CDC25B: variants seen among roughly 807,000 people sequenced by gnomAD.
CDC25B encodes cell division cycle 25B.
CDC25B carries 33 observed loss-of-function variants against 69.8 expected under a neutral mutation model. That is an observed-to-expected ratio of 0.47 (90% CI 0.36 to 0.63). The LOEUF (loss-of-function observed/expected upper bound fraction) is 0.63. Ranked by LOEUF, CDC25B falls within the 30% of genes least tolerant of loss-of-function variation. The pLI, the probability that CDC25B is intolerant of heterozygous loss-of-function variation, is 0.00. For synonymous variants in CDC25B, 341 were observed against 314.6 expected, an observed-to-expected ratio of 1.08 and a Z score of -0.89; for missense variants, 727 against 809.1, an observed-to-expected ratio of 0.90 and a Z score of 1.23.
At chr20:3,801,591 T>A in intron 8 of CDC25B, 131 bp from the exon 9 acceptor site, 1 of 1,016,070 alleles carries the variant, frequency 9.8e-7, no homozygotes, top group Non-Finnish European at 1.4e-6. Context: ...GTTTGGGAGG[T>A]AGGGGAGCTT....
intron 11 of CDC25B, 87 bp downstream of exon 11, chr20:3,802,463 C>T: frequency 1.2e-6 from 1 of 858,236 alleles, no homozygotes; most frequent in East Asian, 2.4e-5. Context: ...TTGGGTTCCT[C>T]CCTTTCTCCC....
chr20:3,802,230 C>G, intron 10 of CDC25B, 51 bp from the exon 11 acceptor site: 1 of 1,570,202 alleles, frequency 6.4e-7, no homozygotes, highest in South Asian at 1.1e-5. Context: ...AGCCAGAGCA[C>G]TGGGGGGCAG....
chr20:3,789,906 G>A (rs530974040), intron 1 of CDC25B, among the ~76,000 whole-genome samples: 5 of 151,924 alleles, frequency 3.3e-5, no homozygotes, highest in South Asian at 2.1e-4. Context: ...GGAGAGTGGC[G>A]TGAACCCGGG....
chr20:3,800,482 G>C lies in CDC25B; in HGVS notation c.443G>C (p.Arg148Pro), dbSNP rs371528141. ...IIRNEQFAIR[R>P]FQSMPVRLLG... ...TGTAGCGAGCAGTTTGCCATCAGAC[G>C]CTTCCAGTCTATGCCGGTGAGTGTC... Residue 148 changes from arginine (R) to proline (P), a missense_variant, in exon 5 of 16, where the codon CGC (arginine) becomes CCC (proline). Coordinates refer to ENST00000245960, the MANE Select transcript of CDC25B (RefSeq NM_021873.4). 1.9e-6 allele frequency: 3 copies of C among 1,614,202 alleles called. No individual in the cohort carries two copies. Among genetic ancestry groups the C allele is most frequent in the Admixed American group, 1.7e-5 (1 of 60,030 alleles).
At position 3,803,188 on chromosome 20, in the gene CDC25B, T is replaced by C. The variant is rs1291595411; in HGVS notation, c.1338T>C (p.Tyr446=). The change falls in exon 13 of 16, where the codon TAT becomes TAC. Residue 446 remains tyrosine (Y), a synonymous_variant. Transcript: ENST00000245960. The surrounding 1 kb of genome is among the most constrained non-coding windows in gnomAD (Gnocchi z 4.9). Reference sequence around the variant, plus strand: ...TAGACTGCAGATACCCCTATGAATATGAAGGCGGGCACATCAAGGTAAGAT... The same window carrying C: ...TAGACTGCAGATACCCCTATGAATACGAAGGCGGGCACATCAAGGTAAGAT... ...VIVDCRYPYE[Y]EGGHIKTAVN... is the part of the protein sequence containing the mutation. 3 of 1,613,358 alleles carry C rather than the reference T, an allele frequency of 1.9e-6. No homozygotes were observed. Among genetic ancestry groups the C allele is most frequent in the East Asian group, 4.5e-5 (2 of 44,882 alleles).
At chr20:3,801,130 G>A in intron 7 of CDC25B, 37 bp downstream of exon 7, 1 of 1,611,174 alleles carries the variant, frequency 6.2e-7, no homozygotes, top group South Asian at 1.1e-5. Flanking sequence ...AGGGGCCTGG[G>A]GAGGCAGCCT....
At position 3,800,987 on chromosome 20, in the gene CDC25B, A is replaced by G; in HGVS notation, c.599A>G (p.Lys200Arg). ...EDKENDGFVF[K>R]MPWKPTHPSS... ...TGGCTGCAGGATGGATTTGTCTTCA[A>G]GATGCCATGGAAGCCCACACATCCC... Residue 200 changes from lysine to arginine, a missense_variant, in exon 7 of 16, where the codon AAG becomes AGG. Coordinates refer to ENST00000245960, the MANE Select transcript of CDC25B (RefSeq NM_021873.4). The G allele has an allele frequency of 6.2e-7, 1 of 1,614,026 alleles. No individual in the cohort carries two copies. The highest frequency in any genetic ancestry group is 8.5e-7 in the Non-Finnish European group (1 of 1,179,888).
At position 3,797,660 on chromosome 20, in the gene CDC25B, G is replaced by T. The variant is rs76772959; in HGVS notation, c.239G>T (p.Arg80Leu). 6.2e-7 allele frequency: 1 copy of T among 1,613,910 alleles called. No individual in the cohort carries two copies. The highest frequency in any genetic ancestry group is 8.5e-7 in the Non-Finnish European group (1 of 1,180,008). Residue 80 changes from arginine (R) to leucine (L), a missense_variant, in exon 2 of 16, where the codon CGC becomes CTC. This residue lies in a region of CDC25B where 368 missense variants were observed against 345.6 expected (regional missense o/e 1.06). Coordinates refer to ENST00000245960, the MANE Select transcript of CDC25B (RefSeq NM_021873.4). ...PKSQVGTLLF[R>L]SRSRLTHLSL... ...AGTCAGGTAGGGACCCTGCTCTTCC[G>T]CAGCCGCAGCCGCCTGACGCACCTA...
Position 3,803,161 on chromosome 20 carries a change from T to A in CDC25B, c.1311T>A (p.Ile437=), listed in dbSNP as rs2089347625. 1 of 1,613,910 alleles carries A rather than the reference T, an allele frequency of 6.2e-7. No individual in the cohort carries two copies. Among genetic ancestry groups the A allele is most frequent in the African/African-American group, 1.3e-5 (1 of 74,890 alleles). Reference sequence around the variant, plus strand: ...GCAACATCGTGGATAAGTTTGTGATTGTAGACTGCAGATACCCCTATGAAT... The same window carrying A: ...GCAACATCGTGGATAAGTTTGTGATAGTAGACTGCAGATACCCCTATGAAT... ...KFSNIVDKFV[I]VDCRYPYEYE... is the part of the protein sequence containing the mutation. Residue 437 remains isoleucine (I), a synonymous_variant, in exon 13 of 16, where the codon ATT becomes ATA. Coordinates refer to ENST00000245960, the MANE Select transcript of CDC25B (RefSeq NM_021873.4). This position sits in a 1 kb window ranked among gnomAD's most constrained non-coding sequence, Gnocchi z 4.9.
At chr20:3,801,146 A>G in intron 7 of CDC25B, 53 bp downstream of exon 7, 1 of 1,609,106 alleles carries the variant, frequency 6.2e-7, no homozygotes, top group African/African-American at 1.3e-5. Context: ...AGCCTCGGAG[A>G]AGAGGAGGGT....
At chr20:3,799,338 A>G (rs1164940848) in intron 3 of CDC25B, among the ~76,000 whole-genome samples, 3 of 152,282 alleles carry the variant, frequency 2.0e-5, no homozygotes. Context: ...CCCAAGGCCC[A>G]TGTGCAAGCC....
chr20:3,796,121 G>C, upstream of CDC25B: 1 of 1,040,374 alleles, frequency 9.6e-7, no homozygotes, highest in Non-Finnish European at 1.2e-6. Flanking sequence ...GGATGTGCGA[G>C]GGTGTGGGAT....
Position 3,801,311 on chromosome 20 carries a change from C to T in CDC25B, c.763C>T (p.Arg255Cys), listed in dbSNP as rs774633750. 25 of 1,614,158 alleles carry T rather than the reference C, an allele frequency of 1.5e-5. No homozygotes were observed. The East Asian group carries it at 3.1e-4, about 20-fold the overall frequency. ...VEELSPLALG[R>C]FSLTPAEGDT... is the part of the protein sequence containing the mutation. Reference sequence around the variant, plus strand: ...GGAGCTCAGCCCCCTGGCCCTAGGTCGCTTCTCTCTGACCCCTGCAGAGGG... The same window carrying T: ...GGAGCTCAGCCCCCTGGCCCTAGGTTGCTTCTCTCTGACCCCTGCAGAGGG... Residue 255 changes from arginine to cysteine, a missense_variant, in exon 8 of 16, where the codon CGC (arginine) becomes TGC (cysteine). Physicochemically the swap from Arg to Cys is radical, Grantham distance 180. This residue lies in a region of CDC25B where 359 missense variants were observed against 463.4 expected (regional missense o/e 0.77). Coordinates refer to ENST00000245960, the MANE Select transcript of CDC25B (RefSeq NM_021873.4).
upstream of CDC25B, chr20:3,795,715 G>A: frequency 2.0e-6 from 2 of 985,564 alleles, no homozygotes; most frequent in Non-Finnish European, 2.4e-6. Flanking sequence ...TCCTACGCTG[G>A]GCGCTTCTCC....
In CDC25B at chr20:3,805,016, G is replaced by A; in HGVS notation, c.*55G>A. On this transcript the variant is annotated 3_prime_UTR_variant, in exon 16 of 16. Coordinates refer to ENST00000245960, the MANE Select transcript of CDC25B (RefSeq NM_021873.4). ...TGCCTTTCGAGGCCTGAAGCCAGCT[G>A]CCCTATGGGCCTGCCGGGCTGAGGG... The A allele has an allele frequency of 1.9e-6, 3 of 1,568,164 alleles. No individual in the cohort carries two copies. The highest frequency in any genetic ancestry group is 2.3e-5 in the East Asian group (1 of 44,258).
In CDC25B at chr20:3,803,217, G is replaced by A. The variant is rs748642598; in HGVS notation, c.1356+11G>A. On this transcript the variant is annotated intron_variant, in intron 13 of 15. Coordinates refer to ENST00000245960, the MANE Select transcript of CDC25B (RefSeq NM_021873.4). The surrounding 1 kb of genome is among the most constrained non-coding windows in gnomAD (Gnocchi z 4.9). ...GGCGGGCACATCAAGGTAAGATGGGGCAATGGGGAGAGGCCCTGAAGATCC... is the reference window on the plus strand; with the variant it reads ...GGCGGGCACATCAAGGTAAGATGGGACAATGGGGAGAGGCCCTGAAGATCC... The A allele has an allele frequency of 1.2e-5, 20 of 1,600,920 alleles. No homozygotes were observed. Among genetic ancestry groups the A allele is most frequent in the Admixed American group, 1.7e-5 (1 of 59,836 alleles).
chr20:3,795,966 C>A (rs2089021019), upstream of CDC25B: 5 of 989,132 alleles, frequency 5.1e-6, no homozygotes, highest in South Asian at 2.3e-4. Context: ...CTCTCCCCAT[C>A]CCTAGCGGTG....
rs778045635 is a variant in CDC25B at position 3,800,994 on chromosome 20, A to G, written c.606A>G (p.Pro202=). The G allele has an allele frequency of 3.7e-6, 6 of 1,614,048 alleles. No individual in the cohort carries two copies. Among genetic ancestry groups the G allele is most frequent in the Middle Eastern group, 1.6e-4 (1 of 6,062 alleles). ...AGGATGGATTTGTCTTCAAGATGCCATGGAAGCCCACACATCCCAGCTCCA... is the reference window on the plus strand; with the variant it reads ...AGGATGGATTTGTCTTCAAGATGCCGTGGAAGCCCACACATCCCAGCTCCA... ...KENDGFVFKM[P]WKPTHPSSTH... The change falls in exon 7 of 16, where the codon CCA becomes CCG. Residue 202 remains proline, a synonymous_variant. Transcript: ENST00000245960.
chr20:3,800,725 C>T lies in CDC25B; in HGVS notation c.460-18C>T, dbSNP rs1805831016. 7.1e-7 allele frequency: 1 copy of T among 1,403,070 alleles called. No individual in the cohort carries two copies. Among genetic ancestry groups the T allele is most frequent in the African/African-American group, 1.4e-5 (1 of 72,940 alleles). The allele number at this position is 1,403,070 out of a possible 1,614,324, so 86.9% of individuals were successfully genotyped here. A position where few individuals can be genotyped will look rare whatever the true frequency, so the allele number is the denominator to read the frequency against. On this transcript the variant is annotated intron_variant, in intron 5 of 15. Transcript: ENST00000245960. ...GCAGCCTTCATTCCTCTGCCTGCCGCCCTGCCTGGCTCTCTAGGTGAGGCT... is the reference window on the plus strand; with the variant it reads ...GCAGCCTTCATTCCTCTGCCTGCCGTCCTGCCTGGCTCTCTAGGTGAGGCT...
Sources: gnomAD v4.1 joint callset for allele counts (sites outside exome capture counted in the v4.1 genomes callset) on GRCh38, gnomAD v4.1.1 for gene constraint, gnomAD v4.1.1 regional missense constraint, Gnocchi (gnomAD v3.1) non-coding constraint, MANE v1.5 for transcripts, NCBI Gene and HGNC (gene_info 2026-07-23, HGNC 2026-07-21) for gene names.